CCDC91: variants seen among roughly 807,000 people sequenced by gnomAD.
CCDC91 encodes coiled-coil domain-containing protein 91.
Under a neutral mutation model 63.2 loss-of-function variants are expected in CCDC91, and 48 were observed. The ratio of observed to expected loss-of-function variants is 0.76; its 90% CI spans 0.60 to 0.97. The LOEUF (loss-of-function observed/expected upper bound fraction) is 0.97. Ranked by LOEUF, CCDC91 falls within the 50% of genes least tolerant of loss-of-function variation. The probability of loss-of-function intolerance (pLI) is 0.00; values close to 1 mark genes in which losing one functional copy is unlikely to be tolerated. For missense variants in CCDC91, 500 were observed against 494.6 expected, an observed-to-expected ratio of 1.01 and a Z score of -0.10; for synonymous variants, 167 against 165.8, an observed-to-expected ratio of 1.01 and a Z score of -0.06.
chr12:28,398,682 C>T (rs1183982770), intron 8 of CCDC91, among the ~76,000 whole-genome samples: 1 of 152,054 alleles, frequency 6.6e-6, no homozygotes, highest in Non-Finnish European at 1.5e-5. Context: ...TGGTATTGTC[C>T]ATCTTTTTCA....
At chr12:28,392,409 C>T (rs1374095770) in intron 8 of CCDC91, among the ~76,000 whole-genome samples, 1 of 152,136 alleles carries the variant, frequency 6.6e-6, no homozygotes, top group Non-Finnish European at 1.5e-5. Context: ...GTTGTCCTCA[C>T]CCTGGGAACT....
chr12:28,396,198 T>C (rs12368745), intron 8 of CCDC91, among the ~76,000 whole-genome samples: 31,174 of 152,110 alleles, frequency 0.2, 4,191 homozygotes, highest in Non-Finnish European at 0.3. Context: ...GAGATTAGCA[T>C]GAAAGAGGCA....
chr12:28,201,317 G>A (rs4258863), intron 1 of CCDC91, among the ~76,000 whole-genome samples: 4 of 150,602 alleles, frequency 2.7e-5, no homozygotes, highest in Non-Finnish European at 3.0e-5. Flanking sequence ...CAGACGGGGC[G>A]GCCGGGCAGA....
At chr12:28,304,869 A>G (rs10843150) in intron 3 of CCDC91, among the ~76,000 whole-genome samples, 30,770 of 152,060 alleles carry the variant, frequency 0.2, 4,018 homozygotes, top group Non-Finnish European at 0.3. Context: ...TATCTTGCTT[A>G]TATCCGTACT....
intron 1 of CCDC91, among the ~76,000 whole-genome samples, chr12:28,205,969 T>C (rs2135449329): frequency 6.6e-6 from 1 of 152,290 alleles, no homozygotes; most frequent in South Asian, 2.1e-4. Context: ...ATGTACTTAT[T>C]TGGTCTTGAA....
At chr12:28,365,219 A>T (rs2138659250) in intron 7 of CCDC91, among the ~76,000 whole-genome samples, 1 of 152,324 alleles carries the variant, frequency 6.6e-6, no homozygotes. Context: ...AAATATGTAA[A>T]ATGAGTAGCT....
intron 3 of CCDC91, among the ~76,000 whole-genome samples, chr12:28,266,431 A>C (rs1947191999): frequency 6.6e-6 from 1 of 151,990 alleles, no homozygotes; most frequent in South Asian, 2.1e-4. Flanking sequence ...TTCTGGTCAT[A>C]GTGTCTGTAA....
intron 3 of CCDC91, among the ~76,000 whole-genome samples, chr12:28,264,674 T>G (rs1196666268): frequency 4.0e-5 from 6 of 150,936 alleles, no homozygotes; most frequent in Non-Finnish European, 7.4e-5. Flanking sequence ...CTGTACTGAT[T>G]TGAAAGGACT....
intron 8 of CCDC91, among the ~76,000 whole-genome samples, chr12:28,419,062 G>A (rs1413105260): frequency 6.6e-6 from 1 of 151,874 alleles, no homozygotes; most frequent in African/African-American, 2.4e-5. Context: ...GATATTCTAC[G>A]GGAAAAACAA....
chr12:28,454,491 G>A (rs1278576547), intron 11 of CCDC91, among the ~76,000 whole-genome samples: 1 of 152,084 alleles, frequency 6.6e-6, no homozygotes, highest in African/African-American at 2.4e-5. Context: ...CTTTGGACAC[G>A]TAGTCCAGCT....
chr12:28,447,583 G>A (rs1489615820), intron 8 of CCDC91, among the ~76,000 whole-genome samples: 3 of 149,496 alleles, frequency 2.0e-5, no homozygotes, highest in Non-Finnish European at 3.0e-5. Context: ...TGGGCACGGC[G>A]GCTCATCCTG....
intron 3 of CCDC91, among the ~76,000 whole-genome samples, chr12:28,278,026 A>G (rs1948361000): frequency 1.3e-5 from 2 of 152,006 alleles, no homozygotes; most frequent in South Asian, 4.1e-4. Context: ...ATTCAGCTAA[A>G]ACATTTTCTC....
At chr12:28,437,111 A>C (rs1251638619) in intron 8 of CCDC91, among the ~76,000 whole-genome samples, 3 of 151,820 alleles carry the variant, frequency 2.0e-5, no homozygotes, top group Admixed American at 6.6e-5. Flanking sequence ...ACAATATTTA[A>C]TTAAAAAAAT....
chr12:28,242,409 A>C (rs1240896538), intron 1 of CCDC91, among the ~76,000 whole-genome samples: 1 of 152,194 alleles, frequency 6.6e-6, no homozygotes, highest in Non-Finnish European at 1.5e-5. Context: ...TTAGATTTAG[A>C]TGTGTTGGTC....
intron 12 of CCDC91, among the ~76,000 whole-genome samples, chr12:28,519,055 G>T (rs921293960): frequency 6.6e-6 from 1 of 151,652 alleles, no homozygotes; most frequent in African/African-American, 2.4e-5. Context: ...TATGAATTTG[G>T]GGATAGTTTT....
At chr12:28,519,141 A>G (rs1340407355) in intron 12 of CCDC91, among the ~76,000 whole-genome samples, 1 of 151,986 alleles carries the variant, frequency 6.6e-6, no homozygotes, top group Non-Finnish European at 1.5e-5. Flanking sequence ...TTTTGGCAGT[A>G]TGATCATTTT....
intron 6 of CCDC91, among the ~76,000 whole-genome samples, chr12:28,332,893 T>C (rs545262360): frequency 4.6e-5 from 7 of 152,202 alleles, no homozygotes; most frequent in African/African-American, 1.2e-4. Flanking sequence ...TTTGCACTTA[T>C]GAACATTAGG....
intron 12 of CCDC91, among the ~76,000 whole-genome samples, chr12:28,514,722 T>C (rs1169311544): frequency 5.9e-5 from 9 of 151,832 alleles, no homozygotes; most frequent in Admixed American, 5.3e-4. Flanking sequence ...CCAGTTATCC[T>C]AGCACCATTT....
At chr12:28,397,003 T>G (rs1380193087) in intron 8 of CCDC91, among the ~76,000 whole-genome samples, 2 of 152,102 alleles carry the variant, frequency 1.3e-5, no homozygotes, top group Non-Finnish European at 2.9e-5. Context: ...TCATTGAAAG[T>G]GTATCTATGG....
Sources: gnomAD v4.1 joint callset for allele counts (sites outside exome capture counted in the v4.1 genomes callset) on GRCh38, gnomAD v4.1.1 for gene constraint, MANE v1.5 for transcripts, NCBI Gene and HGNC (gene_info 2026-07-23, HGNC 2026-07-21) for gene names.